PPFIBP1: variants seen among roughly 807,000 people sequenced by gnomAD.
PPFIBP1 encodes PPFIB scaffold protein 1.
A neutral mutation model predicts 137.8 loss-of-function variants in PPFIBP1; 112 were observed. The ratio of observed to expected loss-of-function variants is 0.81; its 90% CI spans 0.70 to 0.95. PPFIBP1 has a LOEUF of 0.95. Ranked by LOEUF, PPFIBP1 falls within the 40% of genes least tolerant of loss-of-function variation. The pLI is 0.00. For missense variants in PPFIBP1, 1,083 were observed against 1,196.6 expected, an observed-to-expected ratio of 0.91 and a Z score of 1.40; for synonymous variants, 378 against 417.3, an observed-to-expected ratio of 0.91 and a Z score of 1.15.
In PPFIBP1 at chr12:27,680,080, T is replaced by C. The variant is rs374114894; in HGVS notation, c.1895+19T>C. The C allele has an allele frequency of 2.0e-5, 32 of 1,612,916 alleles. No individual in the cohort carries two copies. The highest frequency in any genetic ancestry group is 2.2e-5 in the Non-Finnish European group (26 of 1,179,350). On this transcript the variant is annotated intron_variant, in intron 21 of 29. Transcript: ENST00000228425. ...CTAACAGGTAAGAAGAGCCAACTGA[T>C]AGACTTTTGCATCTCTACCAAGCAT...
chr12:27,530,211 T>C (rs1034263819), intron 1 of PPFIBP1, among the ~76,000 whole-genome samples: 1 of 152,250 alleles, frequency 6.6e-6, no homozygotes, highest in African/African-American at 2.4e-5. Context: ...TTGTTTGCAT[T>C]GGAATTTGAA....
chr12:27,538,904 G>A (rs1019218987), intron 1 of PPFIBP1, among the ~76,000 whole-genome samples: 4 of 152,174 alleles, frequency 2.6e-5, no homozygotes, highest in Admixed American at 6.5e-5. Context: ...TTGACCTGTA[G>A]CAGTCATTTG....
intron 2 of PPFIBP1, chr12:27,608,690 C>A: frequency 2.3e-6 from 1 of 428,294 alleles, no homozygotes; most frequent in Non-Finnish European, 4.3e-6. Flanking sequence ...CTGGATTGTA[C>A]AAGAAGGGAG....
chr12:27,525,513 G>GAAA (rs56656340), intron 1 of PPFIBP1, among the ~76,000 whole-genome samples: 9 of 93,722 alleles, frequency 9.6e-5, no homozygotes, highest in South Asian at 8.8e-4. Context: ...GAGCAGGAAG[G>GAAA]AAAAAAAAAA....
chr12:27,649,047 G>A (rs1369820361), intron 6 of PPFIBP1, among the ~76,000 whole-genome samples: 2 of 152,112 alleles, frequency 1.3e-5, no homozygotes, highest in Non-Finnish European at 2.9e-5. Flanking sequence ...TGGAGACCCC[G>A]TTTTCCATGA....
At chr12:27,680,430 G>T (rs1047132029) in intron 21 of PPFIBP1, among the ~76,000 whole-genome samples, 1 of 152,130 alleles carries the variant, frequency 6.6e-6, no homozygotes, top group African/African-American at 2.4e-5. Flanking sequence ...TTTGCTTTCT[G>T]GCCTTACCAC....
intron 4 of PPFIBP1, 59 bp downstream of exon 4, chr12:27,635,174 A>G: frequency 1.9e-6 from 3 of 1,543,470 alleles, no homozygotes; most frequent in Non-Finnish European, 2.7e-6. Flanking sequence ...TCCAAAATTT[A>G]GAACATAGAA....
At chr12:27,635,317 A>C (rs2057578886) in intron 4 of PPFIBP1, 1 of 611,600 alleles carries the variant, frequency 1.6e-6, no homozygotes, top group Admixed American at 2.9e-5. Context: ...TGTAAATACC[A>C]ACAACAGGTC....
At chr12:27,579,173 C>G (rs993260603) in intron 2 of PPFIBP1, among the ~76,000 whole-genome samples, 4 of 152,196 alleles carry the variant, frequency 2.6e-5, no homozygotes, top group Admixed American at 2.0e-4. Context: ...ATCTGTTGTC[C>G]AGTTCCAGTC....
chr12:27,671,998 G>A (rs1297366562), intron 14 of PPFIBP1, among the ~76,000 whole-genome samples: 2 of 152,110 alleles, frequency 1.3e-5, no homozygotes, highest in Admixed American at 6.6e-5. Context: ...ATAAGCCCAG[G>A]AAGCGGAGGC....
rs190874383 is a variant in PPFIBP1 at position 27,684,094 on chromosome 12, A to G, written c.2247+1391A>G. 2.1e-3 allele frequency among the ~76,000 whole-genome samples: 279 copies of G among 133,794 alleles called. 1 individual carries two copies. Among genetic ancestry groups the G allele is most frequent in the African/African-American group, 7.7e-3 (271 of 35,284 alleles). The allele number at this position is 133,794 out of a possible 152,430, so 87.8% of individuals were successfully genotyped here. A position where few individuals can be genotyped will look rare whatever the true frequency, so the allele number is the denominator to read the frequency against. On this transcript the variant is annotated intron_variant, in intron 24 of 29. Transcript: ENST00000228425. ...GAGCCACCGAGCCTGGCCTTGTTCT[A>G]CTTAAAATTCTTTTATTTATTTATT...
chr12:27,689,513 T>C (rs1468289277), intron 27 of PPFIBP1, among the ~76,000 whole-genome samples: 1 of 152,010 alleles, frequency 6.6e-6, no homozygotes, highest in Admixed American at 6.5e-5. Context: ...CAATGTTTAT[T>C]TAAAGGGACA....
chr12:27,616,719 G>A (rs2055803534), intron 2 of PPFIBP1, among the ~76,000 whole-genome samples: 2 of 152,228 alleles, frequency 1.3e-5, no homozygotes, highest in South Asian at 4.1e-4. Context: ...TCCTGTGATG[G>A]AAGGCCAGGG....
intron 2 of PPFIBP1, chr12:27,593,452 A>G (rs1341476984): frequency 2.2e-6 from 1 of 454,026 alleles, no homozygotes; most frequent in African/African-American, 2.0e-5. Context: ...AGACTACATA[A>G]CATCTTTATT....
chr12:27,625,277 G>A (rs923008544), intron 2 of PPFIBP1, among the ~76,000 whole-genome samples: 1 of 152,068 alleles, frequency 6.6e-6, no homozygotes, highest in Non-Finnish European at 1.5e-5. Context: ...GGATAGAATA[G>A]TATAGTGTAC....
chr12:27,648,232 CAGACATATGAAA>C (rs1258655362), intron 6 of PPFIBP1, among the ~76,000 whole-genome samples: 4 of 151,954 alleles, frequency 2.6e-5, no homozygotes, highest in Non-Finnish European at 5.9e-5. Flanking sequence ...AAATGGCAAA[CAGACATATGAAA>C]AGGTGCTCAA....
rs2060773620 is a variant in PPFIBP1, at chr12:27,679,796, A to G, written c.1767-137A>G. The G allele has an allele frequency of 8.0e-6, 11 of 1,371,580 alleles. No homozygotes were observed. The South Asian group carries it at 1.6e-4, about 19-fold the overall frequency. 85.0% of individuals were successfully genotyped at this position (1,371,580 alleles called of 1,614,324 possible). A position where few individuals can be genotyped will look rare whatever the true frequency, so the allele number is the denominator to read the frequency against. On this transcript the variant is annotated intron_variant, in intron 20 of 29. Transcript: ENST00000228425. Reference sequence around the variant, plus strand: ...TTTATTAACTCATTGGGTCTTAGTTAAAGTTTAAATTTAAATGTCTATGTT... The same window carrying G: ...TTTATTAACTCATTGGGTCTTAGTTGAAGTTTAAATTTAAATGTCTATGTT...
intron 8 of PPFIBP1, among the ~76,000 whole-genome samples, chr12:27,655,989 C>T (rs1202040457): frequency 2.0e-5 from 3 of 152,302 alleles, no homozygotes; most frequent in Middle Eastern, 3.4e-3. Context: ...AAATCTTATA[C>T]ACAGTTGTAT....
chr12:27,627,954 G>A (rs1009472396), intron 2 of PPFIBP1, among the ~76,000 whole-genome samples: 2 of 151,778 alleles, frequency 1.3e-5, no homozygotes, highest in Non-Finnish European at 2.9e-5. Flanking sequence ...TCCTGCAAAC[G>A]GAGCTCATTT....
Sources: gnomAD v4.1 joint callset for allele counts (sites outside exome capture counted in the v4.1 genomes callset) on GRCh38, gnomAD v4.1.1 for gene constraint, MANE v1.5 for transcripts, NCBI Gene and HGNC (gene_info 2026-07-23, HGNC 2026-07-21) for gene names.